Variants in GALNT10 observed in about 807,000 individuals in gnomAD.
GALNT10 encodes polypeptide N-acetylgalactosaminyltransferase 10, also known as GalNAc transferase 10.
In GALNT10, 41 loss-of-function variants were observed where a neutral mutation model predicts 75.0. The observed-to-expected ratio is 0.55, with a 90% confidence interval of 0.43 to 0.71. GALNT10 has a LOEUF of 0.71. Among genes scored for constraint, GALNT10 ranks in the 30% least tolerant of loss-of-function variants. The pLI is 0.00. For missense variants in GALNT10, 727 were observed against 818.5 expected (o/e 0.89, Z 1.36); for synonymous variants, 302 against 313.0 (o/e 0.96, Z 0.37).
intron 1 of GALNT10, among the ~76,000 whole-genome samples, chr5:154,237,874 C>T (rs780845210): frequency 8.5e-5 from 13 of 152,258 alleles, no homozygotes; most frequent in East Asian, 3.9e-4. Context: ...GTGAAGGTCG[C>T]GCCTGCTAGA....
At position 154,212,967 on chromosome 5, in the gene GALNT10, CAAA is replaced by C. The variant is rs761996348; in HGVS notation, c.159+21956_159+21958del. 3.8e-4 allele frequency among the ~76,000 whole-genome samples: 11 copies of C among 28,766 alleles called. No homozygotes were observed. In the East Asian group the frequency reaches 5.2e-3, roughly 14 times the overall value. 18.9% of individuals were successfully genotyped at this position (28,766 alleles called of 152,430 possible). On this transcript the variant is annotated intron_variant, in intron 1 of 11. Transcript: ENST00000297107. The stretch of plus-strand genomic sequence containing the variant: ...TGGGCGACAGAGTGAGATTCCATCT[CAAA>C]AAAAAAAAAAAAAGATCACAGGCTC...
intron 6 of GALNT10, among the ~76,000 whole-genome samples, chr5:154,383,138 C>A (rs545376805): frequency 2.0e-5 from 3 of 151,918 alleles, no homozygotes; most frequent in Non-Finnish European, 2.9e-5. Context: ...GGCCCTCCAT[C>A]CTCTCCCATG....
At chr5:154,269,705 G>T (rs1464794719) in intron 1 of GALNT10, among the ~76,000 whole-genome samples, 1 of 152,228 alleles carries the variant, frequency 6.6e-6, no homozygotes, top group Non-Finnish European at 1.5e-5. Flanking sequence ...TTATAGGCTG[G>T]TGGGCAGAGA....
At chr5:154,207,202 C>CA (rs1334384981) in intron 1 of GALNT10, among the ~76,000 whole-genome samples, 1 of 152,212 alleles carries the variant, frequency 6.6e-6, no homozygotes, top group Non-Finnish European at 1.5e-5. Context: ...AATATGCGTT[C>CA]AAAAACTGCT....
intron 3 of GALNT10, among the ~76,000 whole-genome samples, chr5:154,317,835 C>T (rs1395143539): frequency 2.6e-5 from 4 of 152,296 alleles, no homozygotes; most frequent in African/African-American, 4.8e-5. Context: ...TAGCTCGATC[C>T]GGGTCCCCGA....
At chr5:154,248,329 A>G (rs1299486708) in intron 1 of GALNT10, among the ~76,000 whole-genome samples, 1 of 152,258 alleles carries the variant, frequency 6.6e-6, no homozygotes, top group Non-Finnish European at 1.5e-5. Context: ...GCCTCATAAA[A>G]TGAGTTAGGG....
intron 1 of GALNT10, among the ~76,000 whole-genome samples, chr5:154,265,199 C>G (rs1054564123): frequency 6.6e-6 from 1 of 152,148 alleles, no homozygotes; most frequent in African/African-American, 2.4e-5. Context: ...ACTTTAGTTC[C>G]CTGTTCCCCT....
At chr5:154,290,248 C>T (rs1754175600) in intron 1 of GALNT10, among the ~76,000 whole-genome samples, 1 of 146,630 alleles carries the variant, frequency 6.8e-6, no homozygotes, top group East Asian at 2.0e-4. Flanking sequence ...TGTGCCATGA[C>T]ACTCAGCTAA....
At chr5:154,235,304 A>G (rs962452746) in intron 1 of GALNT10, among the ~76,000 whole-genome samples, 3 of 152,156 alleles carry the variant, frequency 2.0e-5, no homozygotes, top group African/African-American at 4.8e-5. Context: ...GGTTCTACCA[A>G]TGGGGTACCA....
At chr5:154,354,766 T>C (rs941609722) in intron 4 of GALNT10, among the ~76,000 whole-genome samples, 1 of 152,128 alleles carries the variant, frequency 6.6e-6, no homozygotes, top group Non-Finnish European at 1.5e-5. Flanking sequence ...ATCATGACAC[T>C]CACACATCTG....
chr5:154,338,852 A>G (rs1467158108), intron 4 of GALNT10, among the ~76,000 whole-genome samples: 1 of 152,164 alleles, frequency 6.6e-6, no homozygotes, highest in Non-Finnish European at 1.5e-5. Context: ...CACAACATGA[A>G]TCTCTTTGTA....
At chr5:154,383,156 C>T (rs950344621) in intron 6 of GALNT10, among the ~76,000 whole-genome samples, 1 of 152,174 alleles carries the variant, frequency 6.6e-6, no homozygotes, top group African/African-American at 2.4e-5. Context: ...ATGATTCCTT[C>T]CAGAAGTCTC....
intron 1 of GALNT10, among the ~76,000 whole-genome samples, chr5:154,214,173 G>T (rs1752829166): frequency 6.6e-6 from 1 of 151,604 alleles, no homozygotes; most frequent in Admixed American, 6.6e-5. Context: ...AAACATTTTT[G>T]AGAAAAATTG....
chr5:154,278,543 A>AT (rs1218447883), intron 1 of GALNT10, among the ~76,000 whole-genome samples: 1 of 152,154 alleles, frequency 6.6e-6, no homozygotes, highest in Non-Finnish European at 1.5e-5. Context: ...GAAGGGAGGT[A>AT]TTTTTTTATT....
rs1581911056 is a variant in GALNT10, at chr5:154,190,806, C to CGG, written c.-60_-59insGG. 5 of 915,658 alleles carry CGG rather than the reference C, an allele frequency of 5.5e-6. No individual in the cohort carries two copies. The East Asian group carries it at 4.4e-4, about 80-fold the overall frequency. 56.7% of individuals were successfully genotyped at this position (915,658 alleles called of 1,614,324 possible). On this transcript the variant is annotated 5_prime_UTR_variant, in exon 1 of 12. Transcript: ENST00000297107. ...TGCCGCCGCCGGGCGGACGGGCGGA[C>CGG]GCGCGGAGCTGGGGGCGGCGCGGCG...
chr5:154,296,808 A>G (rs981093955), intron 2 of GALNT10, among the ~76,000 whole-genome samples: 8 of 152,058 alleles, frequency 5.3e-5, no homozygotes, highest in Admixed American at 3.9e-4. Context: ...TCTCCTGCTT[A>G]CTGTGTTTGG....
At chr5:154,207,684 G>T (rs762615235) in intron 1 of GALNT10, among the ~76,000 whole-genome samples, 2 of 152,162 alleles carry the variant, frequency 1.3e-5, no homozygotes, top group African/African-American at 2.4e-5. Context: ...AAATGGCTGG[G>T]CAGGGGGTGG....
intron 4 of GALNT10, among the ~76,000 whole-genome samples, chr5:154,372,789 C>T (rs1755594395): frequency 6.6e-6 from 1 of 152,088 alleles, no homozygotes; most frequent in Non-Finnish European, 1.5e-5. Context: ...TGCAGGCAGG[C>T]AGGCATGAGA....
At chr5:154,222,054 C>G (rs531589485) in intron 1 of GALNT10, among the ~76,000 whole-genome samples, 1 of 152,086 alleles carries the variant, frequency 6.6e-6, no homozygotes, top group African/African-American at 2.4e-5. Flanking sequence ...GTGAAGCCAT[C>G]ATCACAGTCA....
Sources: gnomAD v4.1 joint callset for allele counts (sites outside exome capture counted in the v4.1 genomes callset) on GRCh38, gnomAD v4.1.1 for gene constraint, MANE v1.5 for transcripts, NCBI Gene and HGNC (gene_info 2026-07-23, HGNC 2026-07-21) for gene names.